SECTM1: variants seen among roughly 807,000 people sequenced by gnomAD.
SECTM1 encodes the protein secreted and transmembrane protein 1.
SECTM1 carries 10 observed loss-of-function variants against 18.1 expected under a neutral mutation model. The observed-to-expected ratio is 0.55, with a 90% confidence interval of 0.34 to 0.94. The LOEUF is 0.94. Ranked by LOEUF, SECTM1 falls within the 40% of genes least tolerant of loss-of-function variation. The pLI is 0.02. For missense variants in SECTM1, 297 were observed against 322.6 expected (o/e 0.92, Z 0.61); for synonymous variants, 137 against 139.2 (o/e 0.98, Z 0.11).
At chr17:82,333,956 C>G (rs1300247166), upstream of SECTM1, 6 of 152,300 alleles carry the variant, frequency 3.9e-5, no homozygotes, top group African/African-American at 1.4e-4. Flanking sequence ...CTAAAGGAAG[C>G]AGGAAAGCCG....
Position 82,325,559 on chromosome 17 carries a change from A to G in SECTM1, c.95-669T>C, listed in dbSNP as rs2052138751. 1.3e-5 allele frequency among the ~76,000 whole-genome samples: 2 copies of G among 152,280 alleles called. No individual in the cohort carries two copies. The highest frequency in any genetic ancestry group is 3.9e-4 in the East Asian group (2 of 5,188). On this transcript the variant is annotated intron_variant, in intron 2 of 4. Coordinates refer to ENST00000269389, the MANE Select transcript of SECTM1 (RefSeq NM_003004.3). The surrounding 1 kb of genome is among the most constrained non-coding windows in gnomAD (Gnocchi z 7.6). ...GGGCCAGCTCCATACACAGCTCCACAGTCCTGGGAGGTCAAGTCCTTGACA... is the reference window on the plus strand; with the variant it reads ...GGGCCAGCTCCATACACAGCTCCACGGTCCTGGGAGGTCAAGTCCTTGACA...
At chr17:82,324,999 C>T in intron 2 of SECTM1, 109 bp from the exon 3 acceptor site, 1 of 987,322 alleles carries the variant, frequency 1.0e-6, no homozygotes. Flanking sequence ...CTCTAAGGGA[C>T]ACAGTGAACT....
At chr17:82,331,207 C>A (rs1409114513) in intron 1 of SECTM1, among the ~76,000 whole-genome samples, 3 of 152,126 alleles carry the variant, frequency 2.0e-5, no homozygotes, top group Admixed American at 1.3e-4. Context: ...GGAGGGGAGC[C>A]CTGGGCCTGG....
chr17:82,323,765 G>A (rs951440825), intron 3 of SECTM1, among the ~76,000 whole-genome samples: 9 of 151,892 alleles, frequency 5.9e-5, no homozygotes, highest in Admixed American at 1.3e-4. Flanking sequence ...GAGGCAGAGG[G>A]AGCAGTGGGC....
rs888661704 is a variant in SECTM1 at position 82,330,516 on chromosome 17, T to G, written c.-53+3184A>C. On this transcript the variant is annotated intron_variant, in intron 1 of 4. Coordinates refer to ENST00000269389, the MANE Select transcript of SECTM1 (RefSeq NM_003004.3). This position sits in a 1 kb window ranked among gnomAD's most constrained non-coding sequence, Gnocchi z 6.1. ...CCTGACTCGGCAGAGAGCTGCACCC[T>G]GAGCCAGACCTCAGCAGCTGGGTCC... 1.3e-5 allele frequency among the ~76,000 whole-genome samples: 2 copies of G among 152,080 alleles called. No individual in the cohort carries two copies. The highest frequency in any genetic ancestry group is 2.9e-5 in the Non-Finnish European group (2 of 67,974).
chr17:82,322,828 C>A, intron 4 of SECTM1, 50 bp downstream of exon 4: 1 of 1,603,972 alleles, frequency 6.2e-7, no homozygotes, highest in Non-Finnish European at 8.5e-7. Flanking sequence ...CTGGGGCAGC[C>A]CCACCCAAGA....
chr17:82,333,484 G>C (rs1411189714), intron 1 of SECTM1, among the ~76,000 whole-genome samples: 2 of 150,094 alleles, frequency 1.3e-5, no homozygotes, highest in African/African-American at 4.9e-5. Context: ...GGGGGGTGAC[G>C]GTCCCAGAGG....
At chr17:82,333,659 C>CCCAGCACCGAGTCCCCAGCACCGA (rs1567846734) in intron 1 of SECTM1, 41 bp downstream of exon 1, 25 of 142,872 alleles carry the variant, frequency 1.7e-4, no homozygotes, top group Non-Finnish European at 2.9e-4. Flanking sequence ...GCACCGAGCC[C>CCCAGCACCGAGTCCCCAGCACCGA]GCCCCTCTGG....
chr17:82,332,245 C>T lies in SECTM1; in HGVS notation c.-53+1455G>A, dbSNP rs183825570. ...ACACAGGGGTCGGTATCTGAGGCGC[C>T]GGCACCAGACACGGCAGGGTCTGAG... On this transcript the variant is annotated intron_variant, in intron 1 of 4. Coordinates refer to ENST00000269389, the MANE Select transcript of SECTM1 (RefSeq NM_003004.3). 3.2e-3 allele frequency among the ~76,000 whole-genome samples: 490 copies of T among 152,334 alleles called. 10 individuals are homozygous for T. Among genetic ancestry groups the T allele is most frequent in the Non-Finnish European group, 4.1e-3 (280 of 68,030 alleles).
chr17:82,321,889 G>C lies in SECTM1; in HGVS notation c.*272C>G, dbSNP rs950055312. 1.3e-5 allele frequency: 6 copies of C among 461,856 alleles called. No individual in the cohort carries two copies. Among genetic ancestry groups the C allele is most frequent in the African/African-American group, 1.0e-4 (5 of 48,976 alleles). The allele number at this position is 461,856 out of a possible 1,614,324, so 28.6% of individuals were successfully genotyped here. A position where few individuals can be genotyped will look rare whatever the true frequency, so the allele number is the denominator to read the frequency against. ...AAAGGGAGTCCGGGTCTGTGGGTTT[G>C]ATGAGGGCAGAGGGAGGGGCATGCG... On this transcript the variant is annotated 3_prime_UTR_variant, in exon 5 of 5. Transcript: ENST00000269389.
rs1200690047 is a variant in SECTM1 at position 82,326,519 on chromosome 17, AGCCCAGGAGGTC to A, written c.94+616_94+627del. Among the ~76,000 whole-genome samples, 3 of 152,076 alleles carry A rather than the reference AGCCCAGGAGGTC, an allele frequency of 2.0e-5. No homozygotes were observed. The highest frequency in any genetic ancestry group is 7.2e-5 in the African/African-American group (3 of 41,396). ...GAGGCTGAGGTGGGAGGATCACCTG[AGCCCAGGAGGTC>A]GAGGCTGCGGTGAGCTGTGATTGTA... On this transcript the variant is annotated intron_variant, in intron 2 of 4. Coordinates refer to ENST00000269389, the MANE Select transcript of SECTM1 (RefSeq NM_003004.3). The surrounding 1 kb of genome is among the most constrained non-coding windows in gnomAD (Gnocchi z 4.3).
In SECTM1 at chr17:82,324,840, C is replaced by T. The variant is rs746120685; in HGVS notation, c.145G>A (p.Glu49Lys). 7 of 1,613,822 alleles carry T rather than the reference C, an allele frequency of 4.3e-6. No individual in the cohort carries two copies. The highest frequency in any genetic ancestry group is 2.2e-5 in the South Asian group (2 of 91,074). Residue 49 changes from glutamate (E) to lysine (K), a missense_variant, in exon 3 of 5, where the codon GAG becomes AAG. Transcript: ENST00000269389. ...TEGVVSVSWG[E>K]NTVMSCNISN... Reference sequence around the variant, plus strand: ...ATGTTGCAGGACATGACGGTGTTCTCGCCCCAAGACACAGAGACTACCCCC... The same window carrying T: ...ATGTTGCAGGACATGACGGTGTTCTTGCCCCAAGACACAGAGACTACCCCC...
chr17:82,327,097 C>A, intron 2 of SECTM1, 50 bp downstream of exon 2: 1 of 1,445,060 alleles, frequency 6.9e-7, no homozygotes, highest in Non-Finnish European at 9.6e-7. Context: ...CTGTCATGCC[C>A]CCACCGGGCC....
Position 82,321,997 on chromosome 17 carries a change from G to A in SECTM1, c.*164C>T. ...CAGAGCTTGGAAGACCTGGGGGGTG[G>A]AGGGGAAGGGTCTGCACGCACCCAG... On this transcript the variant is annotated 3_prime_UTR_variant, in exon 5 of 5. Transcript: ENST00000269389. The A allele has an allele frequency of 3.3e-6, 2 of 607,762 alleles. No individual in the cohort carries two copies. The highest frequency in any genetic ancestry group is 3.9e-5 in the South Asian group (2 of 51,258). The allele number at this position is 607,762 out of a possible 1,614,324, so 37.6% of individuals were successfully genotyped here. A position where few individuals can be genotyped will look rare whatever the true frequency, so the allele number is the denominator to read the frequency against.
At chr17:82,332,218 G>C (rs536964792) in intron 1 of SECTM1, among the ~76,000 whole-genome samples, 2 of 152,346 alleles carry the variant, frequency 1.3e-5, no homozygotes, top group Middle Eastern at 3.4e-3. Context: ...CTCAAACCAC[G>C]AACACAGGGG....
chr17:82,330,061 C>A lies in SECTM1; in HGVS notation c.-52-2769G>T, dbSNP rs982824322. Among the ~76,000 whole-genome samples the A allele has an allele frequency of 6.6e-6, 1 of 152,196 alleles. No individual in the cohort carries two copies. The highest frequency in any genetic ancestry group is 1.5e-5 in the Non-Finnish European group (1 of 68,024). On this transcript the variant is annotated intron_variant, in intron 1 of 4. Transcript: ENST00000269389. The surrounding 1 kb of genome is among the most constrained non-coding windows in gnomAD (Gnocchi z 6.1). ...GTGGGAGACCCAGGCCACCTGCAGA[C>A]CCCTGCATGGAGGTGAGGTTCACAC...
At chr17:82,322,438 C>T (rs1025939849) in intron 4 of SECTM1, 68 bp from the exon 5 acceptor site, 37 of 1,451,652 alleles carry the variant, frequency 2.5e-5, no homozygotes, top group Admixed American at 3.4e-5. Context: ...TGCCCTGGGG[C>T]GTGCGTTCAC....
intron 1 of SECTM1, among the ~76,000 whole-genome samples, chr17:82,331,222 C>T (rs1164986828): frequency 6.6e-6 from 1 of 152,108 alleles, no homozygotes; most frequent in African/African-American, 2.4e-5. Context: ...GCCTGGAAGA[C>T]CCCTGTCTTT....
chr17:82,324,527 C>CA, intron 3 of SECTM1, 55 bp downstream of exon 3: 6 of 829,198 alleles, frequency 7.2e-6, no homozygotes, highest in Non-Finnish European at 1.0e-5. Context: ...GCCCCCTCCC[C>CA]TCCCCGTGTC....
Sources: allele counts gnomAD v4.1 joint callset (sites outside exome capture counted in the v4.1 genomes callset), GRCh38; gene constraint gnomAD v4.1.1; non-coding constraint Gnocchi (gnomAD v3.1); transcripts MANE v1.5; gene names NCBI Gene and HGNC (gene_info 2026-07-23, HGNC 2026-07-21).